GCNA: variants seen among roughly 807,000 people sequenced by gnomAD.
GCNA encodes germ cell nuclear acidic peptidase.
GCNA carries 3 observed loss-of-function variants against 38.8 expected under a neutral mutation model. That is an observed-to-expected ratio of 0.08 (90% CI 0.04 to 0.20). GCNA has a LOEUF of 0.20. Among genes scored for constraint, GCNA ranks in the 10% least tolerant of loss-of-function variants. The pLI is 1.00. For synonymous variants in GCNA, 195 were observed against 240.2 expected (o/e 0.81, Z 1.74); for missense variants, 446 against 578.6 (o/e 0.77, Z 2.35).
intron 1 of GCNA, among the ~76,000 whole-genome samples, 168 bp downstream of exon 1, chrX:71,578,690 C>T (rs188342147): frequency 3.5e-4 from 39 of 109,932 alleles, no homozygotes; most frequent in African/African-American, 1.3e-3. Flanking sequence ...GAAGTGGAGG[C>T]GCCAGTGGTA....
At chrX:71,582,997 T>C (rs1351716731) in intron 2 of GCNA, among the ~76,000 whole-genome samples, 2 of 112,397 alleles carry the variant, frequency 1.8e-5, no homozygotes, top group Admixed American at 9.5e-5. Flanking sequence ...CCTAAGAGTC[T>C]ACTTGAATAA....
intron 10 of GCNA, 82 bp downstream of exon 10, chrX:71,609,199 A>G: frequency 1.0e-6 from 1 of 988,993 alleles, no homozygotes; most frequent in Non-Finnish European, 1.4e-6. Context: ...AACCATGTAT[A>G]CTTCCTGCCC....
In GCNA at chrX:71,604,538, G is replaced by C; in HGVS notation, c.1261G>C (p.Val421Leu). 8.4e-7 allele frequency: 1 copy of C among 1,193,640 alleles called. No individual in the cohort carries two copies. Residue 421 changes from valine (V) to leucine (L), a missense_variant, in exon 8 of 13, where the codon GTG becomes CTG. Val to Leu is a conservative substitution (Grantham distance 32). This residue lies in a region of GCNA where 160 missense variants were observed against 165.2 expected (regional missense o/e 0.97). Coordinates refer to ENST00000373696, the MANE Select transcript of GCNA (RefSeq NM_052957.5). ...AAGGAAGTCAAAAACCAAAACTATT[G>C]TGGAGCCACCGAGGAAAAGGCAGAC... ...GKRKSKTKTI[V>L]EPPRKRQTKT...
intron 2 of GCNA, among the ~76,000 whole-genome samples, chrX:71,589,778 T>A (rs1354046696): frequency 9.1e-6 from 1 of 109,395 alleles, no homozygotes; most frequent in East Asian, 2.9e-4. Context: ...TTTTTTCCTT[T>A]TCCCCTATTC....
chrX:71,580,951 G>A (rs1387412625), intron 2 of GCNA, 71 bp downstream of exon 2: 1 of 999,746 alleles, frequency 1.0e-6, no homozygotes, highest in Non-Finnish European at 1.4e-6. Context: ...TTCTCGAGAA[G>A]TATGTTTATT....
intron 2 of GCNA, among the ~76,000 whole-genome samples, chrX:71,581,504 G>C (rs764465059): frequency 3.6e-5 from 4 of 111,345 alleles, no homozygotes; most frequent in Admixed American, 9.6e-5. Context: ...TATGGGGGAA[G>C]GTACAAACCA....
In GCNA at chrX:71,603,868, C is replaced by T. The variant is rs764363334; in HGVS notation, c.591C>T (p.Ser197=). ...CCGACGACAACAGTGATGATTCATC[C>T]GACGACAACAGTGATGATTCATCCG... ...DVPDDNSDDS[S]DDNSDDSSDD... The change falls in exon 8 of 13, where the codon TCC becomes TCT. Residue 197 remains serine (S), a synonymous_variant. Coordinates refer to ENST00000373696, the MANE Select transcript of GCNA (RefSeq NM_052957.5). 59 of 1,192,208 alleles carry T rather than the reference C, an allele frequency of 4.9e-5. No individual in the cohort carries two copies. The highest frequency in any genetic ancestry group is 4.6e-4 in the South Asian group (26 of 56,093).
intron 2 of GCNA, among the ~76,000 whole-genome samples, chrX:71,583,955 G>A (rs765388417): frequency 4.6e-5 from 5 of 108,409 alleles, no homozygotes; most frequent in Admixed American, 9.9e-5. Flanking sequence ...TGATCCATCC[G>A]CCTTGGCCTC....
chrX:71,586,143 T>G (rs1295351015), intron 2 of GCNA, among the ~76,000 whole-genome samples: 1 of 108,808 alleles, frequency 9.2e-6, no homozygotes, highest in African/African-American at 3.4e-5. Flanking sequence ...ATAAATGTTT[T>G]TTTTTTTTTT....
rs191872022 is a variant in GCNA, at chrX:71,608,942, A to G, written c.1467-31A>G. 2,609 of 1,199,525 alleles carry G rather than the reference A, an allele frequency of 2.2e-3. 3 individuals carry two copies. Among genetic ancestry groups the G allele is most frequent in the Middle Eastern group, 4.8e-3 (18 of 3,718 alleles). On this transcript the variant is annotated intron_variant, in intron 9 of 12. Coordinates refer to ENST00000373696, the MANE Select transcript of GCNA (RefSeq NM_052957.5). ...GTGCATTCCTTCTCTCTCTTTAGCTACATAAACCTCAGTTGAATTTATCTT... is the reference window on the plus strand; with the variant it reads ...GTGCATTCCTTCTCTCTCTTTAGCTGCATAAACCTCAGTTGAATTTATCTT...
chrX:71,599,006 A>G (rs1306117228), intron 7 of GCNA, among the ~76,000 whole-genome samples: 1 of 108,309 alleles, frequency 9.2e-6, no homozygotes, highest in East Asian at 2.9e-4. Flanking sequence ...ATGCCCAGCT[A>G]ATTTTTTTTG....
chrX:71,609,077 G>T lies in GCNA; in HGVS notation c.1571G>T (p.Arg524Ile), dbSNP rs1460467210. The T allele has an allele frequency of 8.3e-7, 1 of 1,209,797 alleles. No homozygotes were observed. The highest frequency in any genetic ancestry group is 1.1e-6 in the Non-Finnish European group (1 of 895,090). Residue 524 changes from arginine to isoleucine, a missense_variant, in exon 10 of 13, where the codon AGA (arginine) becomes ATA (isoleucine). Arg to Ile is a moderately conservative substitution (Grantham distance 97, BLOSUM62 -3). Around this residue, in one of 7 missense-constraint regions of GCNA, gnomAD observed 60 missense variants for 111.0 expected, o/e 0.54. Transcript: ENST00000373696. ...CGAAATAAGGATGAATTGGTTCAGA[G>T]AATCTACGACCTGTTTAACAGATCC... ...LKRNKDELVQ[R>I]IYDLFNRSVC... is the part of the protein sequence containing the mutation.
chrX:71,580,948 G>A, intron 2 of GCNA, 68 bp downstream of exon 2: 1 of 1,022,947 alleles, frequency 9.8e-7, no homozygotes, highest in Non-Finnish European at 1.3e-6. Context: ...GCTTTCTCGA[G>A]AAGTATGTTT....
At chrX:71,595,873 C>T (rs1181990986) in intron 6 of GCNA, among the ~76,000 whole-genome samples, 5 of 112,218 alleles carry the variant, frequency 4.5e-5, no homozygotes, top group East Asian at 5.5e-4. Flanking sequence ...ATTTTCATAA[C>T]GTGTAAGCCA....
At position 71,612,926 on chromosome X, in the gene GCNA, C is replaced by T; in HGVS notation, c.2020C>T (p.Leu674=). The stretch of plus-strand genomic sequence containing the variant: ...CATCTGTGCCAAATGCAAGGGGTCT[C>T]TGGTCATGGTGCCATTAACTCAGAA... ...RFICAKCKGS[L]VMVPLTQKDG... is the part of the protein sequence containing the mutation. Residue 674 remains leucine, a synonymous_variant, in exon 13 of 13, where the codon CTG becomes TTG. Transcript: ENST00000373696. 1 of 1,211,818 alleles carries T rather than the reference C, an allele frequency of 8.3e-7. No individual in the cohort carries two copies. Among genetic ancestry groups the T allele is most frequent in the East Asian group, 3.0e-5 (1 of 33,859 alleles).
intron 8 of GCNA, among the ~76,000 whole-genome samples, chrX:71,604,985 G>A (rs1000873953): frequency 5.4e-5 from 6 of 112,012 alleles, no homozygotes; most frequent in East Asian, 2.8e-4. Context: ...CTATGAAGCC[G>A]TGAGTCAGGG....
chrX:71,584,342 C>G (rs1359442771), intron 2 of GCNA, among the ~76,000 whole-genome samples: 1 of 111,235 alleles, frequency 9.0e-6, no homozygotes, highest in Non-Finnish European at 1.9e-5. Context: ...CCTCTGCCTT[C>G]TGGTCTCAAG....
chrX:71,583,254 T>G (rs2040559630), intron 2 of GCNA, among the ~76,000 whole-genome samples: 1 of 112,253 alleles, frequency 8.9e-6, no homozygotes, highest in African/African-American at 3.2e-5. Flanking sequence ...TGTCACTCAC[T>G]GCTGTTTTCA....
chrX:71,581,329 A>T (rs917679495), intron 2 of GCNA, among the ~76,000 whole-genome samples: 1 of 111,425 alleles, frequency 9.0e-6, no homozygotes, highest in Non-Finnish European at 1.9e-5. Context: ...AACATGAGGT[A>T]TTTTTTTTGT....
Sources: gnomAD v4.1 joint callset for allele counts (sites outside exome capture counted in the v4.1 genomes callset) on GRCh38, gnomAD v4.1.1 for gene constraint, gnomAD v4.1.1 regional missense constraint, MANE v1.5 for transcripts, NCBI Gene and HGNC (gene_info 2026-07-23, HGNC 2026-07-21) for gene names.